Variants in ZFP92 observed in about 807,000 individuals in gnomAD.
ZFP92 encodes ZFP92 zinc finger protein.
Under a neutral mutation model 7.6 loss-of-function variants are expected in ZFP92, and 2 were observed. That is an observed-to-expected ratio of 0.26 (90% CI 0.11 to 0.83). The LOEUF (loss-of-function observed/expected upper bound fraction) is 0.83. Ranked by LOEUF, ZFP92 falls within the 40% of genes least tolerant of loss-of-function variation. The pLI, the probability that ZFP92 is intolerant of heterozygous loss-of-function variation, is 0.65. For missense variants in ZFP92, 324 were observed against 408.3 expected (o/e 0.79, Z 1.78); for synonymous variants, 226 against 183.6 (o/e 1.23, Z -1.87).
rs1187898808 is a variant in ZFP92, at chrX:153,418,650, G to C, written c.34-23G>C. 4.3e-6 allele frequency: 5 copies of C among 1,166,489 alleles called. No homozygotes were observed. The East Asian group carries it at 1.6e-4, about 38-fold the overall frequency. On this transcript the variant is annotated intron_variant, in intron 3 of 5. Coordinates refer to ENST00000338647, the MANE Select transcript of ZFP92 (RefSeq NM_001136273.2). ...GCCCAGGGGGTTGAATTCCCCTGTGGCCACAAGAATGCCTTATTTTAGGTG... is the reference window on the plus strand; with the variant it reads ...GCCCAGGGGGTTGAATTCCCCTGTGCCCACAAGAATGCCTTATTTTAGGTG...
Position 153,418,401 on chromosome X carries a change from G to A in ZFP92, c.33+46G>A, listed in dbSNP as rs782168210. On this transcript the variant is annotated intron_variant, in intron 3 of 5. Coordinates refer to ENST00000338647, the MANE Select transcript of ZFP92 (RefSeq NM_001136273.2). ...CTGGCCTCTCCCCCTGGCAGCCCCC[G>A]TCTGCTGCCTCCTCATGCCCAGGCC... The A allele has an allele frequency of 8.9e-5, 103 of 1,153,470 alleles. 1 individual carries two copies. The highest frequency in any genetic ancestry group is 6.0e-4 in the South Asian group (31 of 51,677).
rs991436230 is a variant in ZFP92 at position 153,418,634 on chromosome X, G to C, written c.34-39G>C. 3.4e-6 allele frequency: 4 copies of C among 1,162,159 alleles called. No homozygotes were observed. The African/African-American group carries it at 5.4e-5, about 16-fold the overall frequency. ...GTCAGCTCCTCCAGGGGCCCAGGGG[G>C]TTGAATTCCCCTGTGGCCACAAGAA... On this transcript the variant is annotated intron_variant, in intron 3 of 5. Transcript: ENST00000338647.
chrX:153,418,395 G>A (rs1556974257), intron 3 of ZFP92, 40 bp downstream of exon 3: 2 of 1,159,636 alleles, frequency 1.7e-6, no homozygotes, highest in East Asian at 3.3e-5. Context: ...CCCCCTGGCA[G>A]CCCCCGTCTG....
chrX:153,416,798 A>C (rs1440482008), intron 2 of ZFP92, among the ~76,000 whole-genome samples: 1 of 111,872 alleles, frequency 8.9e-6, no homozygotes, highest in African/African-American at 3.3e-5. Context: ...TGCTGGCTGG[A>C]AAGTTCAAGA....
chrX:153,420,200 C>CT (rs1556974626), intron 4 of ZFP92, 28 bp from the exon 5 acceptor site: 1 of 1,137,405 alleles, frequency 8.8e-7, no homozygotes. Flanking sequence ...CCATAGTGGT[C>CT]TTGACCTGCT....
At chrX:153,412,609 C>T (rs1231044715) in intron 2 of ZFP92, among the ~76,000 whole-genome samples, 1 of 111,774 alleles carries the variant, frequency 8.9e-6, no homozygotes, top group African/African-American at 3.3e-5. Flanking sequence ...GGTAAAAGAG[C>T]GAGGCATGTG....
rs1556975387 is a variant in ZFP92, at chrX:153,421,860, A to G, written c.*232A>G. ...GCCGCCTGCCCTGGCTCCTCCATCA[A>G]CGGCAGTGCGGGCTGGGAATGGAGG... On this transcript the variant is annotated 3_prime_UTR_variant, in exon 6 of 6. Coordinates refer to ENST00000338647, the MANE Select transcript of ZFP92 (RefSeq NM_001136273.2). 3.3e-6 allele frequency: 1 copy of G among 299,633 alleles called. No individual in the cohort carries two copies. The highest frequency in any genetic ancestry group is 2.9e-5 in the African/African-American group (1 of 35,036). 24.7% of individuals were successfully genotyped at this position (299,633 alleles called of 1,213,427 possible). A position where few individuals can be genotyped will look rare whatever the true frequency, so the allele number is the denominator to read the frequency against.
At chrX:153,414,426 C>A (rs553808203) in intron 2 of ZFP92, among the ~76,000 whole-genome samples, 1 of 111,789 alleles carries the variant, frequency 8.9e-6, no homozygotes, top group South Asian at 3.8e-4. Context: ...CGGCTCGCTG[C>A]AACCTCAACC....
intron 2 of ZFP92, among the ~76,000 whole-genome samples, chrX:153,416,202 C>G (rs1439208415): frequency 2.7e-5 from 3 of 111,519 alleles, no homozygotes; most frequent in Non-Finnish European, 5.7e-5. Flanking sequence ...GCGTTCAAAT[C>G]CAGTCATATG....
At position 153,421,666 on chromosome X, in the gene ZFP92, T is replaced by TG. The variant is rs782237803; in HGVS notation, c.*44dup. The TG allele has an allele frequency of 2.4e-4, 223 of 932,515 alleles. No individual in the cohort carries two copies. In the African/African-American group the frequency reaches 4.1e-3, roughly 17 times the overall value. The allele number at this position is 932,515 out of a possible 1,213,427, so 76.8% of individuals were successfully genotyped here. A position where few individuals can be genotyped will look rare whatever the true frequency, so the allele number is the denominator to read the frequency against. On this transcript the variant is annotated 3_prime_UTR_variant, in exon 6 of 6. Transcript: ENST00000338647. Reference sequence around the variant, plus strand: ...GCACCCAGGGCGCGGCCGGTCTGCGTGGGGGGCCTTCCTGGGGACGTCGAG... The same window carrying TG: ...GCACCCAGGGCGCGGCCGGTCTGCGTGGGGGGGCCTTCCTGGGGACGTCGAG...
intron 2 of ZFP92, among the ~76,000 whole-genome samples, chrX:153,416,979 C>G (rs925714752): frequency 1.9e-4 from 21 of 111,458 alleles, no homozygotes; most frequent in African/African-American, 6.5e-4. Flanking sequence ...CAAGGACTCA[C>G]TCACCCCTGA....
At chrX:153,417,903 A>G (rs1418726082) in intron 2 of ZFP92, among the ~76,000 whole-genome samples, 1 of 111,792 alleles carries the variant, frequency 8.9e-6, no homozygotes, top group East Asian at 2.8e-4. Flanking sequence ...AGACCAGGGA[A>G]ATTGGGACAC....
At chrX:153,417,429 G>A (rs782420648) in intron 2 of ZFP92, among the ~76,000 whole-genome samples, 2 of 111,816 alleles carry the variant, frequency 1.8e-5, no homozygotes, top group South Asian at 3.8e-4. Flanking sequence ...CACTACTGTA[G>A]GTCCCCCTTG....
rs2089001629 is a variant in ZFP92, at chrX:153,421,380, C to T, written c.1003C>T (p.Leu335Phe). The change falls in exon 6 of 6, where the codon CTC becomes TTC. Residue 335 changes from leucine to phenylalanine, a missense_variant. Transcript: ENST00000338647. ...CAAGGCCTTCCGTGGCCGTTCGGGC[C>T]TCAGCCAGCACCGGCGCGTGCACAG... is the stretch of plus-strand genomic sequence containing the variant. ...CGKAFRGRSGLSQHRRVHSGE... is the reference protein window; with the variant it reads ...CGKAFRGRSGFSQHRRVHSGE... The T allele has an allele frequency of 8.6e-7, 1 of 1,159,962 alleles. No individual in the cohort carries two copies. Among genetic ancestry groups the T allele is most frequent in the Non-Finnish European group, 1.1e-6 (1 of 873,147 alleles).
At chrX:153,418,554 T>C in intron 3 of ZFP92, 119 bp from the exon 4 acceptor site, 1 of 1,030,765 alleles carries the variant, frequency 9.7e-7, no homozygotes, top group Non-Finnish European at 1.3e-6. Context: ...GCAACCCGAG[T>C]CTTTCCACCT....
At chrX:153,420,607 A>G in intron 5 of ZFP92, 36 bp from the exon 6 acceptor site, 3 of 1,101,061 alleles carry the variant, frequency 2.7e-6, no homozygotes, top group Non-Finnish European at 3.6e-6. Flanking sequence ...CTGACTTGGC[A>G]TGAGGGTGAC....
Position 153,418,372 on chromosome X carries a change from C to T in ZFP92, c.33+17C>T, listed in dbSNP as rs2088971662. On this transcript the variant is annotated intron_variant, in intron 3 of 5. Transcript: ENST00000338647. ...AGACCCAAGGTGAGTGGTGGCCCCTCTCCCTGGCCTCTCCCCCTGGCAGCC... is the reference window on the plus strand; with the variant it reads ...AGACCCAAGGTGAGTGGTGGCCCCTTTCCCTGGCCTCTCCCCCTGGCAGCC... 8.6e-7 allele frequency: 1 copy of T among 1,166,254 alleles called. No individual in the cohort carries two copies. The highest frequency in any genetic ancestry group is 1.8e-5 in the African/African-American group (1 of 56,289).
chrX:153,416,038 C>G (rs1556973683), intron 2 of ZFP92, among the ~76,000 whole-genome samples: 1 of 111,288 alleles, frequency 9.0e-6, no homozygotes, highest in Admixed American at 9.6e-5. Flanking sequence ...GCCTCTCTCC[C>G]CAGTCTCCTT....
Position 153,425,437 on chromosome X carries a change from A to G in ZFP92, c.*3809A>G, listed in dbSNP as rs2089036321. The G allele has an allele frequency of 8.9e-6, 1 of 111,873 alleles. No homozygotes were observed. Among genetic ancestry groups the G allele is most frequent in the African/African-American group, 3.3e-5 (1 of 30,736 alleles). 9.2% of individuals were successfully genotyped at this position (111,873 alleles called of 1,213,427 possible). A position where few individuals can be genotyped will look rare whatever the true frequency, so the allele number is the denominator to read the frequency against. ...GGTCAGTTAGAACCAGAGTATGGAG[A>G]GTCTGGGATGCCATATACAAAAGTT... On this transcript the variant is annotated 3_prime_UTR_variant, in exon 6 of 6. Coordinates refer to ENST00000338647, the MANE Select transcript of ZFP92 (RefSeq NM_001136273.2).
Sources: gnomAD v4.1 joint callset for allele counts (sites outside exome capture counted in the v4.1 genomes callset) on GRCh38, gnomAD v4.1.1 for gene constraint, MANE v1.5 for transcripts, NCBI Gene and HGNC (gene_info 2026-07-23, HGNC 2026-07-21) for gene names.